COL4A5: variants seen among roughly 807,000 people sequenced by gnomAD.
The protein encoded by COL4A5 is collagen alpha-5(IV) chain.
In COL4A5, 26 loss-of-function variants were observed where a neutral mutation model predicts 130.2. The ratio of observed to expected loss-of-function variants is 0.20; its 90% CI spans 0.15 to 0.28. The LOEUF (loss-of-function observed/expected upper bound fraction) is 0.28. Ranked by LOEUF, COL4A5 falls within the 10% of genes least tolerant of loss-of-function variation. The probability of loss-of-function intolerance (pLI) is 1.00; values close to 1 mark genes in which losing one functional copy is unlikely to be tolerated. For synonymous variants in COL4A5, 496 were observed against 439.6 expected (o/e 1.13, Z -1.60); for missense variants, 1,131 against 1,344.3 (o/e 0.84, Z 2.48).
intron 36 of COL4A5, among the ~76,000 whole-genome samples, chrX:108,635,730 A>G (rs1286828784): frequency 8.9e-6 from 1 of 112,196 alleles, no homozygotes; most frequent in Admixed American, 9.5e-5. Context: ...AGAGTCCAGA[A>G]ATACCCATAC....
chrX:108,568,855 C>T, intron 6 of COL4A5, 34 bp downstream of exon 6: 3 of 1,122,680 alleles, frequency 2.7e-6, no homozygotes, highest in Non-Finnish European at 3.7e-6. Context: ...GGGTAGTATA[C>T]TTGACAATAA....
chrX:108,642,014 A>C (rs1380629351), intron 36 of COL4A5, among the ~76,000 whole-genome samples: 4 of 111,530 alleles, frequency 3.6e-5, no homozygotes, highest in Non-Finnish European at 7.5e-5. Context: ...CTGCTCACCC[A>C]CCACCTGGAA....
intron 1 of COL4A5, among the ~76,000 whole-genome samples, chrX:108,472,496 T>G (rs2064783411): frequency 1.8e-5 from 2 of 111,883 alleles, no homozygotes; most frequent in South Asian, 7.5e-4. Flanking sequence ...CTTCCTATAT[T>G]TAGAGGCTCA....
At chrX:108,608,480 T>C (rs2066772957) in intron 29 of COL4A5, among the ~76,000 whole-genome samples, 1 of 111,024 alleles carries the variant, frequency 9.0e-6, no homozygotes, top group Non-Finnish European at 1.9e-5. Context: ...CTGTCAACAT[T>C]TTACTATATG....
Position 108,650,264 on chromosome X carries a change from C to G in COL4A5, c.3247-5067C>G, listed in dbSNP as rs184233004. On this transcript the variant is annotated intron_variant, in intron 36 of 52. Coordinates refer to ENST00000328300, the MANE Select transcript of COL4A5 (RefSeq NM_033380.3). ...GCAATAATGGCCATAATCAAAAGATCAAAAAATAGGAGATCTTGGTGTGGA... is the reference window on the plus strand; with the variant it reads ...GCAATAATGGCCATAATCAAAAGATGAAAAAATAGGAGATCTTGGTGTGGA... Among the ~76,000 whole-genome samples the G allele has an allele frequency of 5.9e-3, 646 of 110,383 alleles. 3 individuals are homozygous for G. The highest frequency in any genetic ancestry group is 0.01 in the Non-Finnish European group (542 of 52,818).
At chrX:108,674,454 T>C (rs747111392) in intron 42 of COL4A5, 2 of 243,574 alleles carry the variant, frequency 8.2e-6, no homozygotes, top group South Asian at 4.4e-4. Context: ...ACAGTAGCAG[T>C]GTTAACATGA....
At chrX:108,647,512 T>C (rs1482904906) in intron 36 of COL4A5, among the ~76,000 whole-genome samples, 2 of 111,565 alleles carry the variant, frequency 1.8e-5, no homozygotes, top group East Asian at 5.7e-4. Context: ...AGATATACAA[T>C]CCTGTCATCT....
rs1278879452 is a variant in COL4A5 at position 108,474,773 on chromosome X, A to G, written c.81+34567A>G. 3.6e-5 allele frequency among the ~76,000 whole-genome samples: 4 copies of G among 111,582 alleles called. No homozygotes were observed. In the East Asian group the frequency reaches 8.4e-4, roughly 24 times the overall value. On this transcript the variant is annotated intron_variant, in intron 1 of 52. Coordinates refer to ENST00000328300, the MANE Select transcript of COL4A5 (RefSeq NM_033380.3). ...TAATCCATTTGGGGTTGATTTTTCT[A>G]TAAGGGATGAGATAAGAGTTCATTT...
At chrX:108,622,571 T>G in intron 32 of COL4A5, 105 bp from the exon 33 acceptor site, 4 of 857,507 alleles carry the variant, frequency 4.7e-6, no homozygotes, top group Non-Finnish European at 6.9e-6. Flanking sequence ...ATGTTTTGAG[T>G]GGCCAGTGGC....
At chrX:108,540,124 C>T (rs1396179018) in intron 2 of COL4A5, among the ~76,000 whole-genome samples, 2 of 111,373 alleles carry the variant, frequency 1.8e-5, no homozygotes, top group African/African-American at 6.5e-5. Context: ...GAACATGAGC[C>T]TCTTGGGATC....
chrX:108,528,500 A>G (rs2065348966), intron 1 of COL4A5, among the ~76,000 whole-genome samples: 1 of 112,873 alleles, frequency 8.9e-6, no homozygotes, highest in Non-Finnish European at 1.9e-5. Flanking sequence ...AAGGAACACA[A>G]TAATTCTACA....
chrX:108,508,557 C>CA (rs1182036182), intron 1 of COL4A5, among the ~76,000 whole-genome samples: 2,628 of 37,662 alleles, frequency 0.07, 65 homozygotes, highest in Non-Finnish European at 0.082. Context: ...CATGTAGGAC[C>CA]AAAAAAAAAA....
intron 29 of COL4A5, among the ~76,000 whole-genome samples, chrX:108,607,781 C>T (rs1351600437): frequency 9.0e-6 from 1 of 111,519 alleles, no homozygotes; most frequent in Non-Finnish European, 1.9e-5. Context: ...ATATAAATAC[C>T]AGCCAAGAAT....
At chrX:108,587,587 G>A (rs1474786030) in intron 19 of COL4A5, among the ~76,000 whole-genome samples, 1 of 111,880 alleles carries the variant, frequency 8.9e-6, no homozygotes, top group Non-Finnish European at 1.9e-5. Context: ...ACATGGAAGT[G>A]CAGATATCTC....
intron 29 of COL4A5, among the ~76,000 whole-genome samples, chrX:108,613,576 AAAAC>A (rs761611903): frequency 7.1e-5 from 8 of 112,347 alleles, no homozygotes; most frequent in South Asian, 3.7e-4. Context: ...ACTCAATAAG[AAAAC>A]AAACAACCAA....
At chrX:108,584,040 G>A (rs1183163494) in intron 17 of COL4A5, among the ~76,000 whole-genome samples, 1 of 90,537 alleles carries the variant, frequency 1.1e-5, no homozygotes, top group African/African-American at 4.4e-5. Context: ...TTATGTCCTT[G>A]ACTAGTTTTA....
chrX:108,541,089 G>T (rs1420413701), intron 2 of COL4A5, among the ~76,000 whole-genome samples: 1 of 111,810 alleles, frequency 8.9e-6, no homozygotes. Context: ...AAAAGTTCTG[G>T]AGCAAAGAAA....
chrX:108,684,692 C>T (rs1569507913), intron 47 of COL4A5, among the ~76,000 whole-genome samples: 1 of 112,636 alleles, frequency 8.9e-6, no homozygotes, highest in Non-Finnish European at 1.9e-5. Flanking sequence ...GAGCTGATAC[C>T]ATTCCTTCTG....
chrX:108,576,118 T>C, intron 10 of COL4A5, 146 bp downstream of exon 10: 2 of 454,441 alleles, frequency 4.4e-6, no homozygotes, highest in South Asian at 7.0e-5. Context: ...GACTTTACAA[T>C]GATATGGTGA....
Sources: gnomAD v4.1 joint callset for allele counts (sites outside exome capture counted in the v4.1 genomes callset) on GRCh38, gnomAD v4.1.1 for gene constraint, MANE v1.5 for transcripts, NCBI Gene and HGNC (gene_info 2026-07-23, HGNC 2026-07-21) for gene names.